The following CNTNAP5 variants were observed in gnomAD, a reference collection of about 807,000 sequenced individuals.
CNTNAP5 encodes the protein contactin associated protein family member 5.
A neutral mutation model predicts 150.2 loss-of-function variants in CNTNAP5; 72 were observed. That is an observed-to-expected ratio of 0.48 (90% CI 0.40 to 0.58). The LOEUF is 0.58. CNTNAP5 is among the 20% of genes least tolerant of loss of function. CNTNAP5 has a pLI of 0.00. For missense variants in CNTNAP5, 1,636 were observed against 1,626.2 expected (o/e 1.01, Z -0.10); for synonymous variants, 672 against 619.8 (o/e 1.08, Z -1.25).
At chr2:124,761,936 G>C (rs1205096246) in intron 14 of CNTNAP5, among the ~76,000 whole-genome samples, 1 of 152,038 alleles carries the variant, frequency 6.6e-6, no homozygotes, top group Non-Finnish European at 1.5e-5. Flanking sequence ...GCAGTCGTTG[G>C]CATTGATGGG....
intron 6 of CNTNAP5, among the ~76,000 whole-genome samples, chr2:124,470,376 G>C (rs1267021416): frequency 6.6e-6 from 1 of 152,036 alleles, no homozygotes; most frequent in Non-Finnish European, 1.5e-5. Flanking sequence ...CTTCTTTTGA[G>C]AACTGCCTGT....
At chr2:124,714,784 T>C (rs2105109445) in intron 13 of CNTNAP5, among the ~76,000 whole-genome samples, 1 of 152,108 alleles carries the variant, frequency 6.6e-6, no homozygotes, top group Non-Finnish European at 1.5e-5. Flanking sequence ...TATATTTTAC[T>C]GGGGCCACAT....
intron 3 of CNTNAP5, among the ~76,000 whole-genome samples, chr2:124,415,577 ATCT>A (rs1427371805): frequency 4.6e-5 from 7 of 152,350 alleles, no homozygotes; most frequent in African/African-American, 1.7e-4. Context: ...AAAGCAATGG[ATCT>A]TCTTTTCATT....
At chr2:124,508,086 G>T (rs1380666293) in intron 8 of CNTNAP5, among the ~76,000 whole-genome samples, 2 of 117,262 alleles carry the variant, frequency 1.7e-5, no homozygotes, top group Non-Finnish European at 3.8e-5. Context: ...TATCACAAGA[G>T]ATAAAAAAAA....
At chr2:124,856,234 A>C (rs1042236121) in intron 19 of CNTNAP5, among the ~76,000 whole-genome samples, 1 of 152,116 alleles carries the variant, frequency 6.6e-6, no homozygotes, top group African/African-American at 2.4e-5. Flanking sequence ...TTAATCTGCT[A>C]GTTGATTGAT....
chr2:124,202,661 T>C (rs747569382), intron 1 of CNTNAP5, among the ~76,000 whole-genome samples: 2 of 152,190 alleles, frequency 1.3e-5, no homozygotes, highest in Non-Finnish European at 1.5e-5. Context: ...ATCACGATCA[T>C]GGCAAAATGC....
In CNTNAP5 at chr2:124,116,654, G is replaced by A. The variant is rs568960107; in HGVS notation, c.82+90922G>A. 2.6e-5 allele frequency among the ~76,000 whole-genome samples: 4 copies of A among 152,284 alleles called. No individual in the cohort carries two copies. In the South Asian group the frequency reaches 8.3e-4, roughly 32 times the overall value. ...TCCATTTTTACATAAATTTAAATGT[G>A]TAGCACAGATCTCCTAGAAATGTGG... On this transcript the variant is annotated intron_variant, in intron 1 of 23. Transcript: ENST00000682447.
In CNTNAP5 at chr2:124,782,255, G is replaced by A. The variant is rs192532832; in HGVS notation, c.2753-7647G>A. On this transcript the variant is annotated intron_variant, in intron 17 of 23. Transcript: ENST00000682447. Reference sequence around the variant, plus strand: ...CCTTCCATTTATTCCTGAAGGCCACGTAACCTCTGATGGTGCCTGCATGCC... The same window carrying A: ...CCTTCCATTTATTCCTGAAGGCCACATAACCTCTGATGGTGCCTGCATGCC... Among the ~76,000 whole-genome samples the A allele has an allele frequency of 1.7e-3, 254 of 152,048 alleles. 2 individuals carry two copies. The highest frequency in any genetic ancestry group is 3.0e-3 in the Non-Finnish European group (201 of 68,002).
At chr2:124,764,613 G>A (rs1681028960) in intron 16 of CNTNAP5, among the ~76,000 whole-genome samples, 1 of 152,080 alleles carries the variant, frequency 6.6e-6, no homozygotes, top group African/African-American at 2.4e-5. Context: ...TGGTTTCTCT[G>A]CCACTTCCCC....
At chr2:124,310,540 T>C (rs549305866) in intron 3 of CNTNAP5, among the ~76,000 whole-genome samples, 1 of 152,216 alleles carries the variant, frequency 6.6e-6, no homozygotes, top group South Asian at 2.1e-4. Flanking sequence ...AGCCCTCCCT[T>C]AACAAACCCT....
At chr2:124,516,374 C>T (rs1327931174) in intron 8 of CNTNAP5, among the ~76,000 whole-genome samples, 1 of 152,120 alleles carries the variant, frequency 6.6e-6, no homozygotes, top group Non-Finnish European at 1.5e-5. Flanking sequence ...TATGAGAGGA[C>T]ATAGAAAGGC....
intron 13 of CNTNAP5, among the ~76,000 whole-genome samples, chr2:124,692,207 C>T (rs1355571089): frequency 6.6e-6 from 1 of 152,104 alleles, no homozygotes; most frequent in Non-Finnish European, 1.5e-5. Context: ...TAGAAAGCAA[C>T]AGCCCAGGAA....
chr2:124,215,712 CAAAAAA>C (rs397985759), intron 1 of CNTNAP5, among the ~76,000 whole-genome samples: 1 of 82,056 alleles, frequency 1.2e-5, no homozygotes, highest in African/African-American at 4.4e-5. Flanking sequence ...AGAAGAAAGG[CAAAAAA>C]AAAAAAAAAA....
intron 1 of CNTNAP5, among the ~76,000 whole-genome samples, chr2:124,118,984 A>T (rs976177304): frequency 2.6e-5 from 4 of 152,074 alleles, no homozygotes; most frequent in African/African-American, 9.7e-5. Flanking sequence ...CTCCCATCTT[A>T]CTAGTGGATA....
In CNTNAP5 at chr2:124,242,351, A is replaced by G. The variant is rs1338685032; in HGVS notation, c.339A>G (p.Thr113=). The G allele has an allele frequency of 4.3e-6, 7 of 1,613,390 alleles. No homozygotes were observed. Among genetic ancestry groups the G allele is most frequent in the Non-Finnish European group, 5.9e-6 (7 of 1,179,686 alleles). Residue 113 remains threonine, a synonymous_variant, in exon 3 of 24, where the codon ACA becomes ACG. Coordinates refer to ENST00000682447, the MANE Select transcript of CNTNAP5 (RefSeq NM_001367498.1). ...GTTACAGCCTGATGTTCAGTGACACAGGACGCAACTGGAAACAGTACAAAC... is the reference window on the plus strand; with the variant it reads ...GTTACAGCCTGATGTTCAGTGACACGGGACGCAACTGGAAACAGTACAAAC... The part of the protein sequence containing the change: ...VTSYSLMFSD[T]GRNWKQYKQE...
At chr2:124,340,267 G>C (rs916780738) in intron 3 of CNTNAP5, among the ~76,000 whole-genome samples, 4 of 152,218 alleles carry the variant, frequency 2.6e-5, no homozygotes, top group Non-Finnish European at 4.4e-5. Context: ...AAGCAAGATG[G>C]AGTCAACTCT....
At chr2:124,228,569 A>G (rs1444986752) in intron 2 of CNTNAP5, among the ~76,000 whole-genome samples, 1 of 152,182 alleles carries the variant, frequency 6.6e-6, no homozygotes, top group East Asian at 1.9e-4. Context: ...ATCACCCAGG[A>G]ACTAGCCAAA....
chr2:124,369,276 G>A (rs1690458395), intron 3 of CNTNAP5, among the ~76,000 whole-genome samples: 1 of 152,132 alleles, frequency 6.6e-6, no homozygotes, highest in Non-Finnish European at 1.5e-5. Context: ...GGAGGCCACT[G>A]AGCCTAATGG....
intron 1 of CNTNAP5, among the ~76,000 whole-genome samples, chr2:124,107,554 G>A (rs778758191): frequency 2.0e-5 from 3 of 152,126 alleles, no homozygotes; most frequent in Non-Finnish European, 2.9e-5. Context: ...ATTTTAATAG[G>A]TGAGTTCAGT....
Sources: gnomAD v4.1 joint callset for allele counts (sites outside exome capture counted in the v4.1 genomes callset) on GRCh38, gnomAD v4.1.1 for gene constraint, MANE v1.5 for transcripts, NCBI Gene and HGNC (gene_info 2026-07-23, HGNC 2026-07-21) for gene names.